The following TENM3 variants were observed in gnomAD, a reference collection of about 807,000 sequenced individuals.
TENM3 encodes teneurin-3.
TENM3 carries 63 observed loss-of-function variants against 255.1 expected under a neutral mutation model. The ratio of observed to expected loss-of-function variants is 0.25; its 90% confidence interval spans 0.20 to 0.30. The LOEUF (loss-of-function observed/expected upper bound fraction) is 0.30. Among genes scored for constraint, TENM3 ranks in the 10% least tolerant of loss-of-function variants. TENM3 has a pLI of 1.00. For missense variants in TENM3, 2,929 were observed against 3,461.1 expected (o/e 0.85, Z 3.86); for synonymous variants, 1,306 against 1,322.3 (o/e 0.99, Z 0.27).
chr4:181,843,179 C>T, the TENM3 span, among the ~76,000 whole-genome samples: 1 of 152,138 alleles, frequency 6.6e-6, no homozygotes, highest in Non-Finnish European at 1.5e-5. Flanking sequence ...TTACACTCAC[C>T]TTTAGATACA....
the TENM3 span, among the ~76,000 whole-genome samples, chr4:181,969,921 C>T: frequency 6.6e-6 from 1 of 152,148 alleles, no homozygotes; most frequent in Admixed American, 6.5e-5. Flanking sequence ...ATAAATTAAG[C>T]TGTGTTCTTC....
At chr4:181,964,096 A>T in the TENM3 span, among the ~76,000 whole-genome samples, 1 of 147,468 alleles carries the variant, frequency 6.8e-6, no homozygotes, top group East Asian at 2.0e-4. Context: ...GGTCTCTCCC[A>T]AAAGTCCCCG....
intron 3 of TENM3, among the ~76,000 whole-genome samples, chr4:182,458,062 T>A (rs1159643689): frequency 6.6e-6 from 1 of 152,236 alleles, no homozygotes; most frequent in Non-Finnish European, 1.5e-5. Context: ...GGCAAATCAT[T>A]TAATTTATCA....
At chr4:182,535,188 A>C (rs2151858074) in intron 3 of TENM3, among the ~76,000 whole-genome samples, 1 of 152,332 alleles carries the variant, frequency 6.6e-6, no homozygotes, top group Non-Finnish European at 1.5e-5. Flanking sequence ...AATCCTGCAG[A>C]GTTTCAAATA....
the TENM3 span, among the ~76,000 whole-genome samples, chr4:181,726,090 A>G: frequency 6.6e-6 from 1 of 152,168 alleles, no homozygotes; most frequent in Non-Finnish European, 1.5e-5. Context: ...ATTAGAAAAT[A>G]CAAATATTCA....
chr4:181,638,663 T>C, the TENM3 span, among the ~76,000 whole-genome samples: 1 of 152,316 alleles, frequency 6.6e-6, no homozygotes, highest in African/African-American at 2.4e-5. Context: ...GTAGTAAAAA[T>C]GGAAACTTTA....
intron 6 of TENM3, among the ~76,000 whole-genome samples, chr4:182,661,090 G>C (rs1754184841): frequency 6.6e-6 from 1 of 151,460 alleles, no homozygotes; most frequent in Non-Finnish European, 1.5e-5. Context: ...AACTCTTTTT[G>C]TATGGATACG....
chr4:181,865,353 A>G, the TENM3 span, among the ~76,000 whole-genome samples: 1 of 152,180 alleles, frequency 6.6e-6, no homozygotes, highest in Non-Finnish European at 1.5e-5. Context: ...ACTGATAGCT[A>G]ATTTTTTCTC....
chr4:182,794,147 G>C (rs547141916), intron 26 of TENM3, among the ~76,000 whole-genome samples: 33 of 152,236 alleles, frequency 2.2e-4, no homozygotes, highest in African/African-American at 7.7e-4. Flanking sequence ...ATTTAAAGAA[G>C]GGGAACATGG....
chr4:182,444,530 C>T (rs17073294), intron 3 of TENM3, among the ~76,000 whole-genome samples: 2,642 of 152,166 alleles, frequency 0.017, 63 homozygotes, highest in East Asian at 0.095. Context: ...TCCCTAATTC[C>T]GGTGTTTAGG....
At chr4:182,494,359 G>A (rs2151605348) in intron 3 of TENM3, among the ~76,000 whole-genome samples, 1 of 152,272 alleles carries the variant, frequency 6.6e-6, no homozygotes, top group East Asian at 1.9e-4. Flanking sequence ...GAGGTACTTT[G>A]TGAGAGAGAA....
At chr4:182,666,959 A>G (rs141316946) in intron 6 of TENM3, among the ~76,000 whole-genome samples, 3 of 152,262 alleles carry the variant, frequency 2.0e-5, no homozygotes, top group African/African-American at 7.2e-5. Context: ...TAGTGTAAAC[A>G]TAACTTTTAT....
the TENM3 span, among the ~76,000 whole-genome samples, chr4:181,482,009 C>T: frequency 6.6e-6 from 1 of 152,176 alleles, no homozygotes; most frequent in Non-Finnish European, 1.5e-5. Context: ...AAATGAACAT[C>T]AGAACAATTA....
At chr4:181,491,943 C>A in the TENM3 span, among the ~76,000 whole-genome samples, 1 of 152,156 alleles carries the variant, frequency 6.6e-6, no homozygotes, top group Admixed American at 6.5e-5. Flanking sequence ...GATAATGTTA[C>A]TTTCATCAAT....
chr4:182,161,118 A>C, intron 1 of TENM3, among the ~76,000 whole-genome samples: 1 of 149,144 alleles, frequency 6.7e-6, no homozygotes, highest in South Asian at 2.2e-4. Flanking sequence ...GTCTCTAGTA[A>C]AAATACAAAA....
chr4:181,585,114 A>G, the TENM3 span, among the ~76,000 whole-genome samples: 3 of 151,986 alleles, frequency 2.0e-5, no homozygotes, highest in Non-Finnish European at 4.4e-5. Flanking sequence ...TTTTCCTTGT[A>G]GGTAAGAAAA....
intron 3 of TENM3, among the ~76,000 whole-genome samples, chr4:182,573,888 CTT>C (rs931411422): frequency 6.6e-6 from 1 of 151,982 alleles, no homozygotes; most frequent in African/African-American, 2.4e-5. Flanking sequence ...TTTTTTCACA[CTT>C]GTCATTATTT....
chr4:182,292,607 G>A (rs1019475700), intron 1 of TENM3, among the ~76,000 whole-genome samples: 68 of 152,124 alleles, frequency 4.5e-4, no homozygotes, highest in Admixed American at 7.2e-4. Context: ...CCGCATGGTC[G>A]CGTGGGTAAA....
At chr4:181,968,449 T>G in the TENM3 span, among the ~76,000 whole-genome samples, 1 of 152,204 alleles carries the variant, frequency 6.6e-6, no homozygotes, top group Non-Finnish European at 1.5e-5. Flanking sequence ...AGGAAGCTCT[T>G]AATCCACAAC....
Sources: allele counts gnomAD v4.1 joint callset (sites outside exome capture counted in the v4.1 genomes callset), GRCh38; gene constraint gnomAD v4.1.1; transcripts MANE v1.5; gene names NCBI Gene and HGNC (gene_info 2026-07-23, HGNC 2026-07-21).